MICAL3: variants seen among roughly 807,000 people sequenced by gnomAD.
MICAL3 encodes the protein microtubule associated monooxygenase, calponin and LIM domain containing 3, also known as [F-actin]-monooxygenase MICAL3.
MICAL3 carries 62 observed loss-of-function variants against 207.4 expected under a neutral mutation model. That is an observed-to-expected ratio of 0.30 (90% CI 0.24 to 0.37). The LOEUF (loss-of-function observed/expected upper bound fraction) is 0.37. Among genes scored for constraint, MICAL3 ranks in the 10% least tolerant of loss-of-function variants. The pLI, the probability that MICAL3 is intolerant of heterozygous loss-of-function variation, is 1.00. For missense variants in MICAL3, 2,368 were observed against 2,635.6 expected (o/e 0.90, Z 2.22); for synonymous variants, 1,077 against 1,069.3 (o/e 1.01, Z -0.14).
intron 1 of MICAL3, among the ~76,000 whole-genome samples, chr22:17,958,400 A>G (rs548770861): frequency 6.6e-6 from 1 of 152,354 alleles, no homozygotes; most frequent in South Asian, 2.1e-4. Flanking sequence ...CAGTTACGGA[A>G]GAAAGAAAAG....
intron 1 of MICAL3, among the ~76,000 whole-genome samples, chr22:17,957,556 A>T (rs978840066): frequency 6.6e-6 from 1 of 152,104 alleles, no homozygotes; most frequent in Non-Finnish European, 1.5e-5. Flanking sequence ...CTAAAAATAC[A>T]AAACATTAGC....
At chr22:17,896,396 T>C (rs758889421) in intron 8 of MICAL3, 35 bp from the exon 9 acceptor site, 2 of 1,205,420 alleles carry the variant, frequency 1.7e-6, no homozygotes, top group Non-Finnish European at 2.4e-6. Flanking sequence ...AATTAAAATA[T>C]AACACACCTT....
At chr22:17,854,199 C>A (rs1028809266) in intron 19 of MICAL3, among the ~76,000 whole-genome samples, 1 of 140,284 alleles carries the variant, frequency 7.1e-6, no homozygotes, top group African/African-American at 2.9e-5. Flanking sequence ...TGTCTGGAGA[C>A]ATTTTCTGTT....
At chr22:17,862,164 A>AGTG in intron 19 of MICAL3, 1 of 984,912 alleles carries the variant, frequency 1.0e-6, no homozygotes, top group Non-Finnish European at 1.2e-6. Flanking sequence ...CTACTGGTCG[A>AGTG]GTGCACAGTA....
chr22:17,875,467 A>G, intron 16 of MICAL3: 2 of 1,546,612 alleles, frequency 1.3e-6, no homozygotes, highest in South Asian at 2.4e-5. Flanking sequence ...GAGTCGGAGG[A>G]GGGAGAGGCG....
intron 1 of MICAL3, among the ~76,000 whole-genome samples, chr22:17,919,280 G>C (rs1602220187): frequency 1.3e-5 from 2 of 152,128 alleles, no homozygotes; most frequent in Admixed American, 1.3e-4. Context: ...GGCTAGTCTT[G>C]AACTCCTGGG....
At chr22:17,883,605 C>A (rs1033496254) in intron 16 of MICAL3, among the ~76,000 whole-genome samples, 4 of 152,328 alleles carry the variant, frequency 2.6e-5, no homozygotes, top group South Asian at 2.1e-4. Flanking sequence ...ACGGAGGAAA[C>A]GCAGCTGGGG....
intron 19 of MICAL3, chr22:17,863,748 A>C: frequency 1.0e-6 from 1 of 985,430 alleles, no homozygotes; most frequent in South Asian, 4.7e-5. Flanking sequence ...CAAGGCCTAC[A>C]TGAACCAGCT....
At chr22:17,868,422 T>C (rs761501234) in intron 17 of MICAL3, among the ~76,000 whole-genome samples, 4 of 152,178 alleles carry the variant, frequency 2.6e-5, no homozygotes, top group Non-Finnish European at 4.4e-5. Context: ...AACAAGCTGG[T>C]GAGGCAGGTG....
At chr22:17,876,865 G>GGGAGCTTATGGAGGTTAGGGAGGTTAA (rs1928531279) in intron 16 of MICAL3, 2 of 99,786 alleles carry the variant, frequency 2.0e-5, no homozygotes, top group African/African-American at 8.7e-5. Flanking sequence ...ATGGAGGTTA[G>GGGAGCTTATGGAGGTTAGGGAGGTTAA]GGAGGTTAGG....
chr22:17,893,012 G>A (rs1235680614), intron 11 of MICAL3, among the ~76,000 whole-genome samples: 1 of 152,204 alleles, frequency 6.6e-6, no homozygotes, highest in Non-Finnish European at 1.5e-5. Context: ...TGATCACAAT[G>A]TGAGGTAGAC....
intron 1 of MICAL3, among the ~76,000 whole-genome samples, chr22:17,984,494 T>C (rs531695883): frequency 2.4e-4 from 36 of 152,174 alleles, no homozygotes; most frequent in Non-Finnish European, 4.6e-4. Flanking sequence ...CCCACAGCAT[T>C]GACCCACACC....
intron 16 of MICAL3, among the ~76,000 whole-genome samples, chr22:17,877,531 GGGAGGTTATGGAGGTGAGGGAGGTTAT>G (rs1569110760): frequency 1.5e-5 from 2 of 130,514 alleles, no homozygotes; most frequent in African/African-American, 3.0e-5. Flanking sequence ...AGGGAGGTGA[GGGAGGTTATGGAGGTGAGGGAGGTTAT>G]GGAGGTTAGG....
intron 29 of MICAL3, among the ~76,000 whole-genome samples, chr22:17,794,929 G>C (rs2061859623): frequency 6.6e-6 from 1 of 152,230 alleles, no homozygotes; most frequent in South Asian, 2.1e-4. Context: ...GGGGAGGGCA[G>C]TGTGTGGTTT....
chr22:17,887,334 G>T lies in MICAL3; in HGVS notation c.1993C>A (p.Arg665Ser). ...SKLGQTISRK[R>S]SPKDKKEKDL... Reference sequence around the variant, plus strand: ...ACTCCTCCACATACCTTGGGAGAACGCTTCCGAGAGATGGTCTGGCCAAGT... The same window carrying T: ...ACTCCTCCACATACCTTGGGAGAACTCTTCCGAGAGATGGTCTGGCCAAGT... Residue 665 changes from arginine (R) to serine (S), a missense_variant, in exon 14 of 32, where the codon CGT becomes AGT. By Grantham distance (110) the Arg-to-Ser change is moderately radical (BLOSUM62 -1). Transcript: ENST00000441493. The T allele has an allele frequency of 6.2e-7, 1 of 1,613,480 alleles. No homozygotes were observed. Among genetic ancestry groups the T allele is most frequent in the Non-Finnish European group, 8.5e-7 (1 of 1,179,480 alleles).
chr22:17,842,265 T>A, intron 19 of MICAL3: 1 of 546,100 alleles, frequency 1.8e-6, no homozygotes, highest in Non-Finnish European at 3.3e-6. Flanking sequence ...TTCATCACCC[T>A]GAACCCGGCC....
At position 17,843,102 on chromosome 22, in the gene MICAL3, C is replaced by G. The variant is rs990190709; in HGVS notation, c.2606-1085G>C. 2.6e-5 allele frequency among the ~76,000 whole-genome samples: 3 copies of G among 115,280 alleles called. No individual in the cohort carries two copies. In the Admixed American group the frequency reaches 3.6e-4, roughly 14 times the overall value. The allele number at this position is 115,280 out of a possible 152,430, so 75.6% of individuals were successfully genotyped here. A position where few individuals can be genotyped will look rare whatever the true frequency, so the allele number is the denominator to read the frequency against. On this transcript the variant is annotated intron_variant, in intron 19 of 31. Transcript: ENST00000441493. ...CGCCACTGCACTCCAGCCTGGGTGA[C>G]AAAGCGAGACTTCATCTCAAAAAAA... is the stretch of plus-strand genomic sequence containing the variant.
At chr22:17,984,089 G>A (rs546970271) in intron 1 of MICAL3, among the ~76,000 whole-genome samples, 6 of 152,204 alleles carry the variant, frequency 3.9e-5, no homozygotes, top group African/African-American at 9.6e-5. Context: ...TCACCTTATC[G>A]TCAAAGTTCA....
chr22:18,014,823 C>G (rs989735468), intron 1 of MICAL3, among the ~76,000 whole-genome samples: 15 of 151,892 alleles, frequency 9.9e-5, no homozygotes, highest in Non-Finnish European at 1.5e-5. Flanking sequence ...GAAACCCCAT[C>G]TCTACTAAAA....
Sources: allele counts gnomAD v4.1 joint callset (sites outside exome capture counted in the v4.1 genomes callset), GRCh38; gene constraint gnomAD v4.1.1; transcripts MANE v1.5; gene names NCBI Gene and HGNC (gene_info 2026-07-23, HGNC 2026-07-21).